The following RGSL1 variants were observed in gnomAD, a reference collection of about 807,000 sequenced individuals.
RGSL1 encodes the protein regulator of G protein signaling protein-like.
RGSL1 carries 97 observed loss-of-function variants against 124.7 expected under a neutral mutation model. The observed-to-expected ratio is 0.78, with a 90% CI of 0.66 to 0.92. RGSL1 has a LOEUF of 0.92. Among genes scored for constraint, RGSL1 ranks in the 40% least tolerant of loss-of-function variants. The probability of loss-of-function intolerance (pLI) is 0.00; values close to 1 mark genes in which losing one functional copy is unlikely to be tolerated. For missense variants in RGSL1, 1,233 were observed against 1,288.4 expected (o/e 0.96, Z 0.66); for synonymous variants, 424 against 438.1 (o/e 0.97, Z 0.40).
At chr1:182,555,820 A>C (rs1391355706) in intron 20 of RGSL1, 3 of 587,272 alleles carry the variant, frequency 5.1e-6, no homozygotes, top group Admixed American at 3.2e-5. Flanking sequence ...TTTACACTGG[A>C]AAAGCAATGC....
intron 4 of RGSL1, among the ~76,000 whole-genome samples, chr1:182,465,285 TA>T (rs1288695894): frequency 2.0e-5 from 3 of 151,840 alleles, no homozygotes; most frequent in African/African-American, 7.3e-5. Flanking sequence ...TATGCAGCCA[TA>T]AAAAAGGATG....
chr1:182,547,472 T>C (rs1660284251), intron 15 of RGSL1, among the ~76,000 whole-genome samples: 1 of 152,190 alleles, frequency 6.6e-6, no homozygotes, highest in Admixed American at 6.5e-5. Flanking sequence ...CATTGCGTCT[T>C]CTTCCTTGCT....
chr1:182,521,949 T>C (rs1428662021), intron 9 of RGSL1, 55 bp from the exon 10 acceptor site: 1 of 1,160,612 alleles, frequency 8.6e-7, no homozygotes, highest in Non-Finnish European at 1.2e-6. Context: ...TGCTAGTTTT[T>C]CCCTTTTCAT....
intron 10 of RGSL1, among the ~76,000 whole-genome samples, chr1:182,524,157 G>T (rs964364302): frequency 3.3e-5 from 5 of 152,164 alleles, no homozygotes; most frequent in Admixed American, 2.6e-4. Context: ...TTAGAAAAAG[G>T]TATTGGGTAG....
rs984398209 is a variant in RGSL1 at position 182,551,190 on chromosome 1, G to C, written c.3024G>C (p.Lys1008Asn). 2 of 1,551,226 alleles carry C rather than the reference G, an allele frequency of 1.3e-6. No individual in the cohort carries two copies. The highest frequency in any genetic ancestry group is 1.4e-5 in the African/African-American group (1 of 73,034). ...AAAGCCCTCCTAAATCTACGGACAA[G>C]TATCCTTTCTCGAGTGGAGGTAAGC... is the stretch of plus-strand genomic sequence containing the variant. ...DRKSPPKSTD[K>N]YPFSSGGDNA... Residue 1008 changes from lysine (K) to asparagine (N), a missense_variant, in exon 18 of 22, where the codon AAG (lysine) becomes AAC (asparagine). Transcript: ENST00000294854.
In RGSL1 at chr1:182,530,258, T is replaced by C. The variant is rs1336358170; in HGVS notation, c.2140T>C (p.Cys714Arg). 1.9e-6 allele frequency: 3 copies of C among 1,550,436 alleles called. No individual in the cohort carries two copies. The highest frequency in any genetic ancestry group is 2.6e-6 in the Non-Finnish European group (3 of 1,146,272). The change falls in exon 12 of 22, where the codon TGT becomes CGT. Residue 714 changes from cysteine (C) to arginine (R), a missense_variant. By Grantham distance (180) the Cys-to-Arg change is radical. Coordinates refer to ENST00000294854, the MANE Select transcript of RGSL1 (RefSeq NM_001137669.2). ...GQLSPEEMLQ[C>R]DAPIIKEIAS... ...GCATTTTCTAGAAGAAATGCTGCAG[T>C]GTGATGCCCCTATTATCAAAGAAAT... is the stretch of plus-strand genomic sequence containing the variant.
Position 182,473,969 on chromosome 1 carries a change from G to A in RGSL1, c.858G>A (p.Glu286=). 1.3e-6 allele frequency: 2 copies of A among 1,552,032 alleles called. No homozygotes were observed. Among genetic ancestry groups the A allele is most frequent in the Admixed American group, 2.0e-5 (1 of 51,008 alleles). The change falls in exon 6 of 22, where the codon GAG becomes GAA. Residue 286 remains glutamate, a synonymous_variant. Coordinates refer to ENST00000294854, the MANE Select transcript of RGSL1 (RefSeq NM_001137669.2). ...CCCTACAGGAGACATGTCCTCAAGA[G>A]AAGGTGGTTATACAAATGCCTTCCC... ...GMPLQETCPQ[E]KVVIQMPSLK...
chr1:182,541,181 A>G (rs1659869559), intron 15 of RGSL1, among the ~76,000 whole-genome samples: 1 of 152,138 alleles, frequency 6.6e-6, no homozygotes, highest in African/African-American at 2.4e-5. Flanking sequence ...ATTGCACACT[A>G]GGTCTTACTT....
chr1:182,494,240 A>G (rs1166287910), intron 9 of RGSL1, among the ~76,000 whole-genome samples: 1 of 152,204 alleles, frequency 6.6e-6, no homozygotes, highest in African/African-American at 2.4e-5. Flanking sequence ...AATGATTAGG[A>G]TCAATTACCC....
At chr1:182,559,507 G>C (rs117701171) in intron 21 of RGSL1, among the ~76,000 whole-genome samples, 1 of 152,190 alleles carries the variant, frequency 6.6e-6, no homozygotes, top group East Asian at 1.9e-4. Flanking sequence ...CACTGGCCCT[G>C]TGAAGTCACC....
intron 6 of RGSL1, 133 bp downstream of exon 6, chr1:182,474,675 T>C: frequency 7.5e-7 from 1 of 1,326,796 alleles, no homozygotes; most frequent in African/African-American, 1.5e-5. Context: ...ATTGAAGAGT[T>C]GGTTGATCTG....
intron 21 of RGSL1, among the ~76,000 whole-genome samples, chr1:182,556,699 A>G (rs1053061971): frequency 6.6e-6 from 1 of 152,210 alleles, no homozygotes; most frequent in Admixed American, 6.5e-5. Context: ...CACAAAAGGA[A>G]TAGTTCTTCC....
intron 10 of RGSL1, 56 bp from the exon 11 acceptor site, chr1:182,527,523 A>T: frequency 7.0e-7 from 1 of 1,428,850 alleles, no homozygotes; most frequent in Non-Finnish European, 9.4e-7. Context: ...TAATTGAAAC[A>T]GAATCCAGAA....
At chr1:182,515,163 G>A (rs1272481310) in intron 9 of RGSL1, among the ~76,000 whole-genome samples, 1 of 152,156 alleles carries the variant, frequency 6.6e-6, no homozygotes, top group Non-Finnish European at 1.5e-5. Context: ...TAGAAAATAG[G>A]AATTGTTCGC....
rs769954032 is a variant in RGSL1 at position 182,460,114 on chromosome 1, C to A, written c.282C>A (p.Phe94Leu). ...TTCTCTGTCAGGAGTTCATCAGTTT[C>A]ATTAAGTCCCCAGAAGGAGGTAAGC... ...HYILCQEFIS[F>L]IKSPEGGEEL... Residue 94 changes from phenylalanine to leucine, a missense_variant, in exon 4 of 22, where the codon TTC becomes TTA. Phe to Leu is a conservative substitution (Grantham distance 22, BLOSUM62 0). Coordinates refer to ENST00000294854, the MANE Select transcript of RGSL1 (RefSeq NM_001137669.2). 10 of 1,551,166 alleles carry A rather than the reference C, an allele frequency of 6.4e-6. No homozygotes were observed. The highest frequency in any genetic ancestry group is 8.7e-6 in the Non-Finnish European group (10 of 1,146,828).
intron 4 of RGSL1, chr1:182,460,593 T>C (rs266508): frequency 0.71 from 322,486 of 452,288 alleles, 116,513 homozygotes; most frequent in East Asian, 0.92. Context: ...AATTTGTCTC[T>C]TTGCTTTTGC....
intron 3 of RGSL1, among the ~76,000 whole-genome samples, chr1:182,458,752 C>A (rs957040210): frequency 7.2e-5 from 11 of 152,244 alleles, no homozygotes; most frequent in African/African-American, 2.4e-4. Flanking sequence ...GGATTACAGG[C>A]CTGAGCCACC....
intron 9 of RGSL1, 82 bp from the exon 10 acceptor site, chr1:182,521,922 T>G: frequency 1.1e-6 from 1 of 927,100 alleles, no homozygotes; most frequent in Non-Finnish European, 1.6e-6. Flanking sequence ...ATGAACTTTA[T>G]GTCTGAAAAA....
intron 9 of RGSL1, among the ~76,000 whole-genome samples, chr1:182,502,806 T>G (rs1656495570): frequency 6.6e-6 from 1 of 152,224 alleles, no homozygotes; most frequent in Non-Finnish European, 1.5e-5. Flanking sequence ...AATATACGCA[T>G]TTGTAGGTTT....
Sources: gnomAD v4.1 joint callset for allele counts (sites outside exome capture counted in the v4.1 genomes callset) on GRCh38, gnomAD v4.1.1 for gene constraint, MANE v1.5 for transcripts, NCBI Gene and HGNC (gene_info 2026-07-23, HGNC 2026-07-21) for gene names.